The following FAM53B variants were observed in gnomAD, a reference collection of about 807,000 sequenced individuals.
The protein encoded by FAM53B is protein FAM53B.
Under a neutral mutation model 32.7 loss-of-function variants are expected in FAM53B, and 12 were observed. That is an observed-to-expected ratio of 0.37 (90% confidence interval 0.24 to 0.59). The LOEUF (loss-of-function observed/expected upper bound fraction) is 0.59. Among genes scored for constraint, FAM53B ranks in the 20% least tolerant of loss-of-function variants. The pLI is 0.72. For synonymous variants in FAM53B, 234 were observed against 228.7 expected (o/e 1.02, Z -0.21); for missense variants, 477 against 577.7 (o/e 0.83, Z 1.79).
chr10:124,710,074 C>T (rs558825538), intron 1 of FAM53B, among the ~76,000 whole-genome samples: 28 of 152,324 alleles, frequency 1.8e-4, no homozygotes, highest in African/African-American at 6.0e-4. Context: ...GCCGCCGGGT[C>T]GGACTTGGAG....
chr10:124,688,074 T>C (rs1949813180), intron 3 of FAM53B, among the ~76,000 whole-genome samples: 1 of 152,220 alleles, frequency 6.6e-6, no homozygotes, highest in African/African-American at 2.4e-5. Context: ...CAGGGCTTCC[T>C]TCTCAAGCTA....
rs74160948 is a variant in FAM53B at position 124,673,984 on chromosome 10, G to C, written c.906+7623C>G. Among the ~76,000 whole-genome samples the C allele has an allele frequency of 3.2e-3, 492 of 152,328 alleles. 4 individuals carry two copies. Among genetic ancestry groups the C allele is most frequent in the African/African-American group, 0.012 (482 of 41,556 alleles). On this transcript the variant is annotated intron_variant, in intron 4 of 4. Transcript: ENST00000337318. ...AGTCACCACACAGCCAGGTGGCAGA[G>C]TGCCTCTCAAACCCAGCTCTTCTGA... is the stretch of plus-strand genomic sequence containing the variant.
intron 3 of FAM53B, among the ~76,000 whole-genome samples, chr10:124,694,776 C>T (rs1341413624): frequency 6.6e-6 from 1 of 152,194 alleles, no homozygotes; most frequent in African/African-American, 2.4e-5. Context: ...TGGGGACGGG[C>T]CTCCCAAGTA....
chr10:124,636,938 C>T (rs1030451029), intron 4 of FAM53B, among the ~76,000 whole-genome samples: 1 of 151,996 alleles, frequency 6.6e-6, no homozygotes, highest in Admixed American at 6.6e-5. Context: ...GACTTCCTCT[C>T]GATCTGGGGG....
At chr10:124,645,841 A>C (rs1474367115) in intron 4 of FAM53B, among the ~76,000 whole-genome samples, 1 of 152,078 alleles carries the variant, frequency 6.6e-6, no homozygotes, top group Non-Finnish European at 1.5e-5. Context: ...AATAAGGGTA[A>C]ACAGCCTGTC....
intron 1 of FAM53B, among the ~76,000 whole-genome samples, chr10:124,728,149 C>T (rs1218803938): frequency 6.6e-6 from 1 of 152,218 alleles, no homozygotes; most frequent in Non-Finnish European, 1.5e-5. Flanking sequence ...GGCACCACTC[C>T]CTGGCTCACT....
chr10:124,705,588 C>T (rs1949950797), intron 2 of FAM53B: 1 of 152,306 alleles, frequency 6.6e-6, no homozygotes, highest in South Asian at 2.1e-4. Flanking sequence ...AGACACCCTC[C>T]CTCTAGACCA....
At chr10:124,697,803 C>G (rs1949884298) in intron 2 of FAM53B, among the ~76,000 whole-genome samples, 1 of 152,072 alleles carries the variant, frequency 6.6e-6, no homozygotes, top group African/African-American at 2.4e-5. Flanking sequence ...TTAAAATGAT[C>G]CTAACAGTAT....
chr10:124,738,259 A>G (rs1053914099), intron 1 of FAM53B, among the ~76,000 whole-genome samples: 9 of 152,146 alleles, frequency 5.9e-5, no homozygotes, highest in African/African-American at 2.2e-4. Flanking sequence ...TGGATGCACA[A>G]GAGAATCGAC....
At chr10:124,667,535 T>C (rs1949680672) in intron 4 of FAM53B, 2 of 695,392 alleles carry the variant, frequency 2.9e-6, no homozygotes, top group Admixed American at 2.1e-5. Flanking sequence ...GGTCAGAGGC[T>C]GCCCTCTGAG....
intron 2 of FAM53B, among the ~76,000 whole-genome samples, chr10:124,703,158 C>T (rs920356630): frequency 2.0e-5 from 3 of 152,192 alleles, no homozygotes; most frequent in Non-Finnish European, 4.4e-5. Context: ...CATTCTCCTG[C>T]CTCAGCCTCC....
In FAM53B at chr10:124,642,051, G is replaced by A. The variant is rs150722648; in HGVS notation, c.907-18447C>T. On this transcript the variant is annotated intron_variant, in intron 4 of 4. Transcript: ENST00000337318. The stretch of plus-strand genomic sequence containing the variant: ...AAATGGCGTGCGTGCATACACGTGT[G>A]CATACATGCCCACCCTGAGAACGTG... Among the ~76,000 whole-genome samples the A allele has an allele frequency of 2.0e-5, 3 of 152,356 alleles. No homozygotes were observed. In the East Asian group the frequency reaches 5.8e-4, roughly 29 times the overall value.
chr10:124,657,968 A>G (rs1949605056), intron 4 of FAM53B, among the ~76,000 whole-genome samples: 2 of 152,188 alleles, frequency 1.3e-5, no homozygotes, highest in South Asian at 2.1e-4. Flanking sequence ...TTGCTTTTCT[A>G]CGCGGCCACT....
intron 1 of FAM53B, among the ~76,000 whole-genome samples, chr10:124,721,598 T>C (rs1223735486): frequency 6.6e-6 from 1 of 152,232 alleles, no homozygotes; most frequent in East Asian, 1.9e-4. Context: ...TTGCAGAGCT[T>C]ACTTATGGGA....
chr10:124,728,464 T>C (rs1950121692), intron 1 of FAM53B, among the ~76,000 whole-genome samples: 1 of 151,282 alleles, frequency 6.6e-6, no homozygotes, highest in African/African-American at 2.4e-5. Context: ...AGGGAAAGAG[T>C]TTCCATGCCA....
At chr10:124,626,520 C>G (rs948299550) in intron 4 of FAM53B, among the ~76,000 whole-genome samples, 11 of 152,038 alleles carry the variant, frequency 7.2e-5, no homozygotes, top group African/African-American at 2.7e-4. Context: ...GCCTCTCCAG[C>G]CAGACAAGGA....
rs566272899 is a variant in FAM53B, at chr10:124,728,202, A to G, written c.-175+15811T>C. 2.0e-5 allele frequency among the ~76,000 whole-genome samples: 3 copies of G among 152,322 alleles called. No individual in the cohort carries two copies. The South Asian group carries it at 6.2e-4, about 32-fold the overall frequency. On this transcript the variant is annotated intron_variant, in intron 1 of 4. Transcript: ENST00000337318. ...GCCTGAAAATGCCTAGACAGCTCAG[A>G]CTGTGTGAAATTCCATGCACAACAA...
chr10:124,670,427 G>A (rs1392871298), intron 4 of FAM53B, among the ~76,000 whole-genome samples: 2 of 152,124 alleles, frequency 1.3e-5, no homozygotes, highest in African/African-American at 4.8e-5. Context: ...CCAACCCTGC[G>A]CTCCAGGCAA....
chr10:124,627,064 T>C (rs1949360455), intron 4 of FAM53B, among the ~76,000 whole-genome samples: 3 of 152,224 alleles, frequency 2.0e-5, no homozygotes, highest in Admixed American at 6.5e-5. Flanking sequence ...CAGCGAAACC[T>C]TGAGAATTCC....
Sources: gnomAD v4.1 joint callset for allele counts (sites outside exome capture counted in the v4.1 genomes callset) on GRCh38, gnomAD v4.1.1 for gene constraint, MANE v1.5 for transcripts, NCBI Gene and HGNC (gene_info 2026-07-23, HGNC 2026-07-21) for gene names.